Variants in GYS2 observed in about 807,000 individuals in gnomAD.
GYS2 encodes the protein glycogen synthase 2.
In GYS2, 80 loss-of-function variants were observed where a neutral mutation model predicts 85.6. The observed-to-expected ratio is 0.93, with a 90% CI of 0.78 to 1.13. The LOEUF (loss-of-function observed/expected upper bound fraction) is 1.13, where lower values mean the gene tolerates loss of function less well. GYS2 is among the 50% of genes most tolerant of loss of function. The pLI is 0.00. For synonymous variants in GYS2, 328 were observed against 300.7 expected, an observed-to-expected ratio of 1.09 and a Z score of -0.94; for missense variants, 881 against 854.9, an observed-to-expected ratio of 1.03 and a Z score of -0.38.
Position 21,575,746 on chromosome 12 carries a change from A to G in GYS2, c.495+120T>C. On this transcript the variant is annotated intron_variant, in intron 3 of 15. Transcript: ENST00000261195. ...TCCTCAGATTTCTTTCAATTGTATT[A>G]GGACAAGCCATAATGGCATCATCTC... 4 of 797,394 alleles carry G rather than the reference A, an allele frequency of 5.0e-6. No individual in the cohort carries two copies. In the South Asian group the frequency reaches 5.5e-5, roughly 11 times the overall value. 49.4% of individuals were successfully genotyped at this position (797,394 alleles called of 1,614,324 possible).
At chr12:21,569,458 G>C (rs549298541) in intron 4 of GYS2, among the ~76,000 whole-genome samples, 2 of 152,278 alleles carry the variant, frequency 1.3e-5, no homozygotes, top group South Asian at 4.1e-4. Context: ...CACTGAAAGG[G>C]AACCTGAAAA....
downstream of GYS2, chr12:21,532,877 C>T (rs984382575): frequency 1.3e-5 from 2 of 152,178 alleles, no homozygotes; most frequent in African/African-American, 2.4e-5. Flanking sequence ...TCCAAGTATT[C>T]TAAGTACTCA....
intron 12 of GYS2, among the ~76,000 whole-genome samples, chr12:21,545,030 T>A (rs901419571): frequency 6.6e-6 from 1 of 152,232 alleles, no homozygotes; most frequent in African/African-American, 2.4e-5. Flanking sequence ...TTATTCCCTC[T>A]CACCTTGGCC....
At chr12:21,585,890 T>C (rs1001584227) in intron 1 of GYS2, among the ~76,000 whole-genome samples, 1 of 152,246 alleles carries the variant, frequency 6.6e-6, no homozygotes, top group Non-Finnish European at 1.5e-5. Flanking sequence ...GCATTTTCAA[T>C]TGCACGAAGG....
chr12:21,590,686 C>T (rs889556562), intron 1 of GYS2, among the ~76,000 whole-genome samples: 21 of 152,206 alleles, frequency 1.4e-4, no homozygotes, highest in Non-Finnish European at 2.6e-4. Context: ...ATCAACCCAA[C>T]TAGACTCATT....
chr12:21,550,314 A>AACACACAC (rs10582787), intron 11 of GYS2, among the ~76,000 whole-genome samples: 2,367 of 148,270 alleles, frequency 0.016, 67 homozygotes, highest in African/African-American at 0.055. Flanking sequence ...AGACAGAAAG[A>AACACACAC]ACACACACAC....
Position 21,575,874 on chromosome 12 carries a change from A to C in GYS2, c.487T>G (p.Leu163Val). The change falls in exon 3 of 16, where the codon TTA (leucine) becomes GTA (valine). Residue 163 changes from leucine to valine, a missense_variant. Transcript: ENST00000261195. Reference protein sequence around the residue: ...LIFGSLTAWFLKEVTDHADGK... With the variant: ...LIFGSLTAWFVKEVTDHADGK... ...TATATAATAAACCATACCTCTTTTA[A>C]GAACCAGGCAGTTAAAGATCCAAAT... 6.2e-7 allele frequency: 1 copy of C among 1,612,454 alleles called. No individual in the cohort carries two copies.
intron 11 of GYS2, among the ~76,000 whole-genome samples, chr12:21,551,076 C>T (rs961239657): frequency 2.2e-4 from 33 of 151,332 alleles, no homozygotes; most frequent in South Asian, 6.3e-4. Context: ...TAGTTACATA[C>T]GTATACATGT....
chr12:21,544,117 G>C (rs1944010705), intron 12 of GYS2, among the ~76,000 whole-genome samples: 1 of 152,122 alleles, frequency 6.6e-6, no homozygotes, highest in African/African-American at 2.4e-5. Flanking sequence ...GTTAAGTCTA[G>C]TAACACGTAA....
intron 2 of GYS2, among the ~76,000 whole-genome samples, chr12:21,578,459 T>C (rs1440617169): frequency 6.6e-6 from 1 of 152,234 alleles, no homozygotes; most frequent in African/African-American, 2.4e-5. Flanking sequence ...GACTGCAGAC[T>C]GCTCCTGGAC....
At chr12:21,548,482 G>A (rs1303925174) in intron 11 of GYS2, among the ~76,000 whole-genome samples, 1 of 152,066 alleles carries the variant, frequency 6.6e-6, no homozygotes, top group Non-Finnish European at 1.5e-5. Flanking sequence ...TAAATAATTA[G>A]GATGTGATGA....
At chr12:21,584,627 T>C (rs925509087) in intron 1 of GYS2, among the ~76,000 whole-genome samples, 44 of 152,328 alleles carry the variant, frequency 2.9e-4, no homozygotes, top group Non-Finnish European at 5.0e-4. Flanking sequence ...AAGCCCTTGA[T>C]ATGGCACCAT....
rs1565605002 is a variant in GYS2 at position 21,574,137 on chromosome 12, T to C, written c.678+7A>G. On this transcript the variant is annotated splice_region_variant and intron_variant, in intron 4 of 15. Transcript: ENST00000261195. ...TGAGTAAGAGGGAGGGAGGAAGGAA[T>C]ATTTACCTTATCAAGATGGTTGTAG... The C allele has an allele frequency of 6.3e-7, 1 of 1,597,592 alleles. No homozygotes were observed. Among genetic ancestry groups the C allele is most frequent in the Non-Finnish European group, 8.6e-7 (1 of 1,164,962 alleles).
Position 21,563,032 on chromosome 12 carries a change from G to T in GYS2, c.948C>A (p.Leu316=). The part of the protein sequence containing the change: ...DFVRGHFYGH[L]DFDLEKTLFL... ...ACAAAGTCTTTTCAAGATCAAAGTC[G>T]AGATGACTAAAACAAAACAAAACCA... Residue 316 remains leucine (L), a synonymous_variant, in exon 7 of 16, where the codon CTC becomes CTA. Coordinates refer to ENST00000261195, the MANE Select transcript of GYS2 (RefSeq NM_021957.4). The T allele has an allele frequency of 6.2e-7, 1 of 1,610,338 alleles. No homozygotes were observed. Among genetic ancestry groups the T allele is most frequent in the Non-Finnish European group, 8.5e-7 (1 of 1,176,860 alleles).
At position 21,558,249 on chromosome 12, in the gene GYS2, C is replaced by A. The variant is rs751350800; in HGVS notation, c.1373G>T (p.Ser458Ile). ...GAAAAGTCCAATCCGTCTAATGGTG[C>A]TGAGGATGGGGTCGGTGGAGTCATC... Reference protein sequence around the residue: ...MIDDSTDPILSTIRRIGLFNN... With the variant: ...MIDDSTDPILITIRRIGLFNN... Residue 458 changes from serine (S) to isoleucine (I), a missense_variant, in exon 11 of 16, where the codon AGC (serine) becomes ATC (isoleucine). Physicochemically the swap from Ser to Ile is moderately radical, Grantham distance 142. Transcript: ENST00000261195. 4.3e-6 allele frequency: 7 copies of A among 1,613,796 alleles called. No homozygotes were observed. The Admixed American group carries it at 1.2e-4, about 27-fold the overall frequency.
chr12:21,537,263 T>A, intron 15 of GYS2, 88 bp from the exon 16 acceptor site: 1 of 889,214 alleles, frequency 1.1e-6, no homozygotes, highest in Non-Finnish European at 1.8e-6. Context: ...ATCAATTTTT[T>A]AAGTAGTTAT....
chr12:21,555,035 C>T lies in GYS2; in HGVS notation c.1422+3165G>A, dbSNP rs147271398. Among the ~76,000 whole-genome samples the T allele has an allele frequency of 4.6e-3, 700 of 152,176 alleles. 3 individuals are homozygous for T. Among genetic ancestry groups the T allele is most frequent in the Admixed American group, 7.5e-3 (115 of 15,280 alleles). ...CTCCCTTCTGTCTGCATGTATTGTACGTAACATGTGCCAGGCAGCAGACAG... is the reference window on the plus strand; with the variant it reads ...CTCCCTTCTGTCTGCATGTATTGTATGTAACATGTGCCAGGCAGCAGACAG... On this transcript the variant is annotated intron_variant, in intron 11 of 15. Coordinates refer to ENST00000261195, the MANE Select transcript of GYS2 (RefSeq NM_021957.4).
At position 21,540,482 on chromosome 12, in the gene GYS2, G is replaced by T; in HGVS notation, c.1737C>A (p.Arg579=). The T allele has an allele frequency of 1.9e-6, 3 of 1,613,894 alleles. No homozygotes were observed. Among genetic ancestry groups the T allele is most frequent in the Non-Finnish European group, 2.5e-6 (3 of 1,179,854 alleles). ...TGTTCCTCTGGATAATCCTTTGGCG[G>T]CGTGACTGTTTGCAAAATCCATAGA... ...KFLYGFCKQS[R]RQRIIQRNRT... Residue 579 remains arginine (R), a synonymous_variant, in exon 14 of 16, where the codon CGC becomes CGA. Coordinates refer to ENST00000261195, the MANE Select transcript of GYS2 (RefSeq NM_021957.4).
intron 4 of GYS2, among the ~76,000 whole-genome samples, chr12:21,573,812 G>A (rs376540943): frequency 9.2e-5 from 14 of 152,224 alleles, no homozygotes; most frequent in African/African-American, 3.4e-4. Context: ...GATCCAGGGT[G>A]TTCACAGCGC....
Sources: allele counts gnomAD v4.1 joint callset (sites outside exome capture counted in the v4.1 genomes callset), GRCh38; gene constraint gnomAD v4.1.1; transcripts MANE v1.5; gene names NCBI Gene and HGNC (gene_info 2026-07-23, HGNC 2026-07-21).